The following EPS15 variants were observed in gnomAD, a reference collection of about 807,000 sequenced individuals.
EPS15 encodes the protein epidermal growth factor receptor substrate 15.
Under a neutral mutation model 113.8 loss-of-function variants are expected in EPS15, and 72 were observed. The observed-to-expected ratio is 0.63, with a 90% CI of 0.52 to 0.77. The LOEUF (loss-of-function observed/expected upper bound fraction) is 0.77. EPS15 is among the 30% of genes least tolerant of loss of function. The pLI is 0.00. For missense variants in EPS15, 1,048 were observed against 1,045.8 expected (o/e 1.00, Z -0.03); for synonymous variants, 344 against 363.4 (o/e 0.95, Z 0.61).
intron 4 of EPS15, among the ~76,000 whole-genome samples, chr1:51,470,968 C>G (rs929931590): frequency 6.6e-6 from 1 of 152,102 alleles, no homozygotes; most frequent in African/African-American, 2.4e-5. Flanking sequence ...CCCTTCTACC[C>G]AGAGACATGA....
At chr1:51,387,528 T>G (rs914624060) in intron 21 of EPS15, among the ~76,000 whole-genome samples, 16 of 152,152 alleles carry the variant, frequency 1.1e-4, no homozygotes, top group Admixed American at 9.8e-4. Context: ...GACTGGCAAG[T>G]TGGATAAAGA....
chr1:51,399,223 C>A, intron 19 of EPS15, 58 bp from the exon 20 acceptor site: 1 of 1,548,188 alleles, frequency 6.5e-7, no homozygotes, highest in South Asian at 1.1e-5. Flanking sequence ...CTAAATTTCC[C>A]ATCACTTGAA....
At position 51,372,903 on chromosome 1, in the gene EPS15, C is replaced by T. The variant is rs1646694021; in HGVS notation, c.2120-6874G>A. 5.1e-6 allele frequency: 4 copies of T among 785,076 alleles called. No individual in the cohort carries two copies. The South Asian group carries it at 6.5e-5, about 13-fold the overall frequency. 48.6% of individuals were successfully genotyped at this position (785,076 alleles called of 1,614,324 possible). ...ATCAGGAGCTACCTGGAAAAAACAG[C>T]CACAGGCAAGCTGCCAATCAACCAC... On this transcript the variant is annotated intron_variant, in intron 21 of 24. Coordinates refer to ENST00000371733, the MANE Select transcript of EPS15 (RefSeq NM_001981.3).
At chr1:51,418,413 T>C (rs1650439354) in intron 13 of EPS15, among the ~76,000 whole-genome samples, 1 of 151,982 alleles carries the variant, frequency 6.6e-6, no homozygotes, top group African/African-American at 2.4e-5. Context: ...GATTTGGCCT[T>C]AAGATTATTC....
In EPS15 at chr1:51,355,601, G is replaced by A. The variant is rs915878842; in HGVS notation, c.*1099C>T. On this transcript the variant is annotated 3_prime_UTR_variant, in exon 25 of 25. Transcript: ENST00000371733. ...TTTATAGGTGAAAAACATGAAGTGA[G>A]TAAATAAACTAAACCACAAAGATGG... The A allele has an allele frequency of 1.6e-5, 3 of 189,610 alleles. No individual in the cohort carries two copies. Among genetic ancestry groups the A allele is most frequent in the Non-Finnish European group, 2.2e-5 (2 of 90,872 alleles). 11.7% of individuals were successfully genotyped at this position (189,610 alleles called of 1,614,324 possible).
chr1:51,495,295 G>A (rs1644304875), intron 1 of EPS15, among the ~76,000 whole-genome samples: 1 of 151,878 alleles, frequency 6.6e-6, no homozygotes, highest in South Asian at 2.1e-4. Flanking sequence ...CAAACAAAAA[G>A]GTTCTGATAT....
intron 13 of EPS15, among the ~76,000 whole-genome samples, 166 bp from the exon 14 acceptor site, chr1:51,409,862 C>T (rs997010666): frequency 6.6e-6 from 1 of 152,084 alleles, no homozygotes; most frequent in Non-Finnish European, 1.5e-5. Context: ...TTGAAGACAT[C>T]TTTCCTAGAA....
rs1261010870 is a variant in EPS15, at chr1:51,406,075, C to T, written c.1507G>A (p.Glu503Lys). Residue 503 changes from glutamate (E) to lysine (K), a missense_variant, in exon 16 of 25, where the codon GAA becomes AAA. By Grantham distance (56) the Glu-to-Lys change is moderately conservative (BLOSUM62 1). Coordinates refer to ENST00000371733, the MANE Select transcript of EPS15 (RefSeq NM_001981.3). ...CAATTTAACTGACTATTATGATTTTCCAAATCTTTCATTTCCATCAGTTTC... is the reference window on the plus strand; with the variant it reads ...CAATTTAACTGACTATTATGATTTTTCAAATCTTTCATTTCCATCAGTTTC... The part of the protein sequence containing the change: ...QMKLMEMKDL[E>K]NHNSQLNWCS... 5.0e-6 allele frequency: 8 copies of T among 1,613,784 alleles called. No homozygotes were observed. The highest frequency in any genetic ancestry group is 6.8e-6 in the Non-Finnish European group (8 of 1,179,948).
intron 8 of EPS15, 116 bp from the exon 9 acceptor site, chr1:51,448,251 A>T: frequency 5.5e-6 from 3 of 541,094 alleles, no homozygotes; most frequent in Non-Finnish European, 6.3e-6. Flanking sequence ...TTTTTAAGAA[A>T]TTGGGCTGGG....
intron 4 of EPS15, among the ~76,000 whole-genome samples, chr1:51,469,004 C>G (rs985736107): frequency 6.6e-6 from 1 of 152,048 alleles, no homozygotes; most frequent in Non-Finnish European, 1.5e-5. Flanking sequence ...GTGGCGTGCA[C>G]CTGTAGTCCC....
chr1:51,370,320 C>T (rs1646615475), intron 21 of EPS15, among the ~76,000 whole-genome samples: 1 of 152,106 alleles, frequency 6.6e-6, no homozygotes, highest in Non-Finnish European at 1.5e-5. Flanking sequence ...ATCTGAAATG[C>T]TTGGGAGAAG....
At chr1:51,409,281 A>G (rs979352941) in intron 14 of EPS15, among the ~76,000 whole-genome samples, 2 of 152,280 alleles carry the variant, frequency 1.3e-5, no homozygotes, top group South Asian at 2.1e-4. Flanking sequence ...GGAGGGACAG[A>G]GGAGAGTTGA....
chr1:51,369,222 C>T (rs1261859127), intron 21 of EPS15, among the ~76,000 whole-genome samples: 3 of 152,194 alleles, frequency 2.0e-5, no homozygotes, highest in African/African-American at 7.2e-5. Flanking sequence ...ACCTATTTAG[C>T]ACTAGTCTAA....
intron 12 of EPS15, among the ~76,000 whole-genome samples, chr1:51,435,568 T>C (rs528455404): frequency 8.5e-5 from 13 of 152,344 alleles, no homozygotes; most frequent in East Asian, 5.8e-4. Flanking sequence ...ATTTAACACA[T>C]GGCTTCTATT....
intron 1 of EPS15, 123 bp from the exon 2 acceptor site, chr1:51,481,437 G>A: frequency 3.2e-6 from 2 of 618,922 alleles, no homozygotes; most frequent in Non-Finnish European, 5.8e-6. Context: ...TTGATTTCAG[G>A]GGTTAGATTT....
intron 13 of EPS15, among the ~76,000 whole-genome samples, chr1:51,409,920 T>C (rs999006976): frequency 3.9e-5 from 6 of 152,010 alleles, no homozygotes; most frequent in African/African-American, 1.5e-4. Context: ...TCCTTGGACA[T>C]GTGATGGGCT....
intron 8 of EPS15, among the ~76,000 whole-genome samples, chr1:51,456,997 G>GA (rs1451521074): frequency 2.0e-5 from 3 of 152,104 alleles, no homozygotes; most frequent in Admixed American, 2.0e-4. Flanking sequence ...ATTAGAACAT[G>GA]AGGGGGGGCC....
intron 22 of EPS15, among the ~76,000 whole-genome samples, chr1:51,364,351 A>T (rs778524730): frequency 3.5e-4 from 53 of 152,188 alleles, no homozygotes; most frequent in Non-Finnish European, 4.7e-4. Flanking sequence ...AAGGGACTGT[A>T]TGCCTTTCCG....
intron 20 of EPS15, chr1:51,397,238 T>C (rs922146127): frequency 6.6e-6 from 1 of 152,118 alleles, no homozygotes; most frequent in African/African-American, 2.4e-5. Context: ...AGACAATGCA[T>C]ATAAAGAGCT....
Sources: gnomAD v4.1 joint callset for allele counts (sites outside exome capture counted in the v4.1 genomes callset) on GRCh38, gnomAD v4.1.1 for gene constraint, MANE v1.5 for transcripts, NCBI Gene and HGNC (gene_info 2026-07-23, HGNC 2026-07-21) for gene names.